The following IQSEC1 variants were observed in gnomAD, a reference collection of about 807,000 sequenced individuals.
IQSEC1 encodes the protein IQ motif and Sec7 domain ArfGEF 1.
A neutral mutation model predicts 91.0 loss-of-function variants in IQSEC1; 31 were observed. The ratio of observed to expected loss-of-function variants is 0.34; its 90% confidence interval spans 0.26 to 0.46. The LOEUF (loss-of-function observed/expected upper bound fraction) is 0.46. Among genes scored for constraint, IQSEC1 ranks in the 20% least tolerant of loss-of-function variants. The probability of loss-of-function intolerance (pLI) is 1.00; values close to 1 mark genes in which losing one functional copy is unlikely to be tolerated. For synonymous variants in IQSEC1, 699 were observed against 662.6 expected, an observed-to-expected ratio of 1.05 and a Z score of -0.84; for missense variants, 1,388 against 1,575.6, an observed-to-expected ratio of 0.88 and a Z score of 2.02.
intron 1 of IQSEC1, among the ~76,000 whole-genome samples, chr3:13,066,704 AC>A (rs941316819): frequency 1.8e-4 from 27 of 152,180 alleles, no homozygotes; most frequent in African/African-American, 6.3e-4. Flanking sequence ...CCACTGCCCC[AC>A]CCCGTTCTCT....
At position 13,282,958 on chromosome 3, in the gene IQSEC1, C is replaced by T. The variant is rs1401527852; in HGVS notation, c.25G>A (p.Gly9Ser). 6.8e-6 allele frequency among the ~76,000 whole-genome samples: 1 copy of T among 146,472 alleles called. No homozygotes were observed. Among genetic ancestry groups the T allele is most frequent in the Non-Finnish European group, 1.5e-5 (1 of 65,816 alleles). Residue 9 changes from glycine to serine, a missense_variant, in exon 1 of 16, where the codon GGC becomes AGC. Gly to Ser is a moderately conservative substitution (Grantham distance 56). Transcript: ENST00000648114. This position sits in a 1 kb window ranked among gnomAD's most constrained non-coding sequence, Gnocchi z 6.4. ...TCCTGCAGGTACTCGGCCGCCTGGCCGGGGGGCTCGGCGGCGCTGGCCATG... is the reference window on the plus strand; with the variant it reads ...TCCTGCAGGTACTCGGCCGCCTGGCTGGGGGGCTCGGCGGCGCTGGCCATG...
Position 12,967,598 on chromosome 3 carries a change from C to A in IQSEC1, c.24-25733G>T, listed in dbSNP as rs961967650. The A allele has an allele frequency of 1.2e-5, 15 of 1,269,386 alleles. No individual in the cohort carries two copies. The highest frequency in any genetic ancestry group is 6.3e-5 in the African/African-American group (4 of 63,912). 78.6% of individuals were successfully genotyped at this position (1,269,386 alleles called of 1,614,324 possible). Reference sequence around the variant, plus strand: ...CACCCGCCACGCGATCACGTCGGGGCTCCTGGTCCAGCGTCCGCCGGCTCC... The same window carrying A: ...CACCCGCCACGCGATCACGTCGGGGATCCTGGTCCAGCGTCCGCCGGCTCC... On this transcript the variant is annotated intron_variant, in intron 1 of 13. Transcript: ENST00000613206. This position sits in a 1 kb window ranked among gnomAD's most constrained non-coding sequence, Gnocchi z 5.9.
intron 1 of IQSEC1, among the ~76,000 whole-genome samples, chr3:12,961,247 A>AG (rs1700225995): frequency 1.3e-5 from 2 of 152,214 alleles, no homozygotes; most frequent in African/African-American, 4.8e-5. Flanking sequence ...GACGCACCAC[A>AG]GCTCTGCTCC....
intron 2 of IQSEC1, among the ~76,000 whole-genome samples, chr3:13,084,882 G>C (rs1490312014): frequency 6.6e-6 from 1 of 151,974 alleles, no homozygotes; most frequent in Non-Finnish European, 1.5e-5. Context: ...AAAGTGATAA[G>C]GGCAGCCTGG....
At chr3:13,102,244 C>T (rs112697643) in intron 2 of IQSEC1, among the ~76,000 whole-genome samples, 12 of 152,186 alleles carry the variant, frequency 7.9e-5, no homozygotes, top group African/African-American at 2.6e-4. Context: ...GATGGAGCCA[C>T]TGACTCCAGC....
chr3:13,036,888 G>A lies in IQSEC1; in HGVS notation c.23+36104C>T, dbSNP rs569457468. 5.3e-5 allele frequency among the ~76,000 whole-genome samples: 8 copies of A among 152,284 alleles called. No homozygotes were observed. In the East Asian group the frequency reaches 1.5e-3, roughly 29 times the overall value. On this transcript the variant is annotated intron_variant, in intron 1 of 13. Transcript: ENST00000613206. ...GTGATCAGAACTAGTCCCACATCCT[G>A]AACCAGACAACGGCATCCACGGCAT...
intron 1 of IQSEC1, among the ~76,000 whole-genome samples, chr3:13,210,149 CGGACACAAACGCACCA>C (rs1287284237): frequency 3.9e-5 from 6 of 152,140 alleles, no homozygotes; most frequent in African/African-American, 1.4e-4. Flanking sequence ...ACATCAACCT[CGGACACAAACGCACCA>C]GGATTTTAAT....
chr3:13,229,068 C>T (rs992844264), intron 1 of IQSEC1, among the ~76,000 whole-genome samples: 2 of 152,202 alleles, frequency 1.3e-5, no homozygotes, highest in Non-Finnish European at 2.9e-5. Context: ...GTGACATGGG[C>T]TGGCACCACT....
At chr3:13,242,113 C>A (rs1275959755) in intron 1 of IQSEC1, among the ~76,000 whole-genome samples, 3 of 152,176 alleles carry the variant, frequency 2.0e-5, no homozygotes, top group Non-Finnish European at 4.4e-5. Flanking sequence ...CAGCAGAGAC[C>A]GTGCCACCTT....
In IQSEC1 at chr3:13,207,188, G is replaced by A. The variant is rs373465409; in HGVS notation, c.273-43055C>T. Among the ~76,000 whole-genome samples the A allele has an allele frequency of 1.3e-5, 2 of 151,998 alleles. No individual in the cohort carries two copies. Among genetic ancestry groups the A allele is most frequent in the Admixed American group, 6.5e-5 (1 of 15,268 alleles). On this transcript the variant is annotated intron_variant, in intron 1 of 15. Transcript: ENST00000648114. The surrounding 1 kb of genome is among the most constrained non-coding windows in gnomAD (Gnocchi z 4.8). Reference sequence around the variant, plus strand: ...CCTTGTCACCTGATGTCTAACAAGCGTCTCTGGCTGAACACACCCAGACCA... The same window carrying A: ...CCTTGTCACCTGATGTCTAACAAGCATCTCTGGCTGAACACACCCAGACCA...
At chr3:13,018,134 T>A (rs1703228131) in intron 1 of IQSEC1, among the ~76,000 whole-genome samples, 1 of 152,144 alleles carries the variant, frequency 6.6e-6, no homozygotes. Flanking sequence ...CAGTTCCAAG[T>A]GGGAACAAAT....
intron 1 of IQSEC1, among the ~76,000 whole-genome samples, chr3:13,038,258 GTGTGTATATATATATATATATATATATA>G (rs1704111759): frequency 1.9e-5 from 1 of 51,388 alleles, no homozygotes; most frequent in Non-Finnish European, 3.7e-5. Context: ...ATGTGTGTGT[GTGTGTATATATATATATATATATATATA>G]TATATATATA....
intron 6 of IQSEC1, among the ~76,000 whole-genome samples, chr3:12,919,683 T>C (rs887620968): frequency 2.0e-5 from 3 of 152,152 alleles, no homozygotes; most frequent in Non-Finnish European, 2.9e-5. Flanking sequence ...CCTCAGCCCC[T>C]GTTTTCAACC....
intron 2 of IQSEC1, among the ~76,000 whole-genome samples, chr3:13,151,995 A>T: frequency 6.6e-6 from 1 of 152,142 alleles, no homozygotes; most frequent in East Asian, 1.9e-4. Flanking sequence ...CAACAAAAAC[A>T]AAAACAAAAA....
chr3:13,248,996 T>C (rs1209202958), intron 1 of IQSEC1, among the ~76,000 whole-genome samples: 4 of 152,150 alleles, frequency 2.6e-5, no homozygotes, highest in Non-Finnish European at 4.4e-5. Context: ...TCCGTGCTCC[T>C]GACTTCAATT....
intron 1 of IQSEC1, among the ~76,000 whole-genome samples, chr3:13,041,222 G>T (rs1467434994): frequency 7.8e-5 from 2 of 25,478 alleles, no homozygotes; most frequent in East Asian, 9.7e-3. Flanking sequence ...GCCTGGGGGC[G>T]GGGGGTGGGG....
At chr3:13,240,547 G>T (rs1172860488) in intron 1 of IQSEC1, among the ~76,000 whole-genome samples, 2 of 152,134 alleles carry the variant, frequency 1.3e-5, no homozygotes, top group African/African-American at 4.8e-5. Context: ...AGGGAGCCTG[G>T]CAAGGGGTGG....
intron 1 of IQSEC1, among the ~76,000 whole-genome samples, chr3:13,209,533 A>G (rs1253010827): frequency 2.0e-5 from 3 of 152,190 alleles, no homozygotes; most frequent in African/African-American, 7.2e-5. Flanking sequence ...ATTCAAGGGA[A>G]GCATCGGCTC....
intron 2 of IQSEC1, among the ~76,000 whole-genome samples, chr3:13,133,606 T>C (rs915455544): frequency 1.1e-4 from 17 of 152,234 alleles, no homozygotes; most frequent in African/African-American, 3.9e-4. Flanking sequence ...CAGCCAGTTA[T>C]GTAATTGGCC....
Sources: allele counts gnomAD v4.1 joint callset (sites outside exome capture counted in the v4.1 genomes callset), GRCh38; gene constraint gnomAD v4.1.1; non-coding constraint Gnocchi (gnomAD v3.1); transcripts MANE v1.5; gene names NCBI Gene and HGNC (gene_info 2026-07-23, HGNC 2026-07-21).